Variants in LIPN observed in about 807,000 individuals in gnomAD.
The protein encoded by LIPN is lipase family member N, also known as lipase member N.
Under a neutral mutation model 43.7 loss-of-function variants are expected in LIPN, and 32 were observed. That is an observed-to-expected ratio of 0.73 (90% CI 0.55 to 0.98). The LOEUF is 0.98. LIPN is among the 50% of genes least tolerant of loss of function. The pLI, the probability that LIPN is intolerant of heterozygous loss-of-function variation, is 0.00. For missense variants in LIPN, 505 were observed against 483.8 expected, an observed-to-expected ratio of 1.04 and a Z score of -0.41; for synonymous variants, 156 against 157.6, an observed-to-expected ratio of 0.99 and a Z score of 0.08.
chr10:88,770,777 C>T, intron 6 of LIPN, 68 bp from the exon 7 acceptor site: 3 of 936,310 alleles, frequency 3.2e-6, no homozygotes, highest in East Asian at 2.7e-5. Context: ...GGTTACTAAT[C>T]CCTTGTAATA....
In LIPN at chr10:88,774,542, C is replaced by T. The variant is rs759190768; in HGVS notation, c.889C>T (p.Gln297Ter). The part of the protein sequence containing the change: ...SSVHNILHIK[Q>*]LYHSDEFRAY... ...AGTACACAACATTCTGCATATAAAA[C>T]AGGTAGAGTCTTAGTCATGGAAAAC... is the stretch of plus-strand genomic sequence containing the variant. Residue 297 changes from glutamine (Q) to a stop codon, truncating the protein, a stop_gained and splice_region_variant, in exon 8 of 10, where the codon CAG becomes TAG. Transcript: ENST00000404459. LOFTEE classifies it high-confidence loss of function. 17 of 1,606,702 alleles carry T rather than the reference C, an allele frequency of 1.1e-5. No homozygotes were observed. Among genetic ancestry groups the T allele is most frequent in the Non-Finnish European group, 1.4e-5 (17 of 1,174,176 alleles).
intron 4 of LIPN, among the ~76,000 whole-genome samples, chr10:88,765,348 A>G (rs1819193098): frequency 6.6e-6 from 1 of 151,930 alleles, no homozygotes; most frequent in Non-Finnish European, 1.5e-5. Context: ...TATTCCTACT[A>G]CATTAATAAA....
In LIPN at chr10:88,772,867, AAG is replaced by A. The variant is rs1491072337; in HGVS notation, c.820-1604_820-1603del. Among the ~76,000 whole-genome samples, 296 of 144,312 alleles carry A rather than the reference AAG, an allele frequency of 2.1e-3. 1 individual carries two copies. Among genetic ancestry groups the A allele is most frequent in the African/African-American group, 7.2e-3 (282 of 39,336 alleles). The allele number at this position is 144,312 out of a possible 152,430, so 94.7% of individuals were successfully genotyped here. ...GAGCAAATAATCTTAAAAAAAAAGA[AAG>A]AAAAAAAAAACAAGAAATAATCCCA... On this transcript the variant is annotated intron_variant, in intron 7 of 9. Transcript: ENST00000404459.
At chr10:88,762,694 A>T (rs1843022770) in intron 3 of LIPN, among the ~76,000 whole-genome samples, 1 of 152,106 alleles carries the variant, frequency 6.6e-6, no homozygotes, top group Non-Finnish European at 1.5e-5. Context: ...GCACCCAAGA[A>T]GAACCTCTCC....
At chr10:88,766,412 T>C in intron 5 of LIPN, 34 bp downstream of exon 5, 1 of 1,284,730 alleles carries the variant, frequency 7.8e-7, no homozygotes, top group Non-Finnish European at 1.1e-6. Flanking sequence ...AGGTGTGTTT[T>C]TGAGGGTCAG....
At chr10:88,764,094 A>T (rs750456998) in intron 3 of LIPN, among the ~76,000 whole-genome samples, 1 of 152,000 alleles carries the variant, frequency 6.6e-6, no homozygotes, top group Non-Finnish European at 1.5e-5. Flanking sequence ...TTTTGTTTCC[A>T]TATCTACAAA....
intron 7 of LIPN, among the ~76,000 whole-genome samples, chr10:88,771,553 A>G (rs1242033188): frequency 6.6e-6 from 1 of 151,654 alleles, no homozygotes; most frequent in Non-Finnish European, 1.5e-5. Flanking sequence ...ACTTAATGTA[A>G]TGTTCTCTAA....
chr10:88,772,955 G>T (rs1223545227), intron 7 of LIPN, among the ~76,000 whole-genome samples: 2 of 149,806 alleles, frequency 1.3e-5, no homozygotes, highest in African/African-American at 4.9e-5. Flanking sequence ...AGAAGTGAAA[G>T]ATTTCTACAA....
rs1345213463 is a variant in LIPN, at chr10:88,769,066, GTGTA to G, written c.672+142_672+145del. On this transcript the variant is annotated intron_variant, in intron 6 of 9. Coordinates refer to ENST00000404459, the MANE Select transcript of LIPN (RefSeq NM_001102469.2). The stretch of plus-strand genomic sequence containing the variant: ...ACTTAGACTCTGTGGGTATGTGCTT[GTGTA>G]TGTGTGTCCCTGCGTGTGCGCATGT... The G allele has an allele frequency of 1.6e-5, 13 of 793,854 alleles. No individual in the cohort carries two copies. In the Admixed American group the frequency reaches 3.3e-4, roughly 20 times the overall value. The allele number at this position is 793,854 out of a possible 1,614,324, so 49.2% of individuals were successfully genotyped here.
intron 8 of LIPN, 80 bp downstream of exon 8, chr10:88,774,624 G>A: frequency 8.6e-7 from 1 of 1,167,508 alleles, no homozygotes; most frequent in Non-Finnish European, 1.3e-6. Context: ...CTGTTAACAG[G>A]CCTACCCTAA....
intron 5 of LIPN, among the ~76,000 whole-genome samples, chr10:88,768,125 T>A (rs1843142379): frequency 6.6e-6 from 1 of 151,294 alleles, no homozygotes; most frequent in Admixed American, 6.6e-5. Flanking sequence ...CTCCCTAGCC[T>A]ACCCAGTGTT....
intron 7 of LIPN, among the ~76,000 whole-genome samples, chr10:88,772,459 T>G (rs952617548): frequency 1.3e-5 from 2 of 151,962 alleles, no homozygotes; most frequent in African/African-American, 4.8e-5. Context: ...TCTAATTTCA[T>G]TCTTCTGCAT....
intron 6 of LIPN, 123 bp downstream of exon 6, chr10:88,769,051 T>C (rs1162062268): frequency 1.1e-6 from 1 of 929,314 alleles, no homozygotes; most frequent in Non-Finnish European, 1.6e-6. Context: ...ACTTAGACTC[T>C]GTGGGTATGT....
intron 7 of LIPN, among the ~76,000 whole-genome samples, chr10:88,773,400 T>C (rs1843242620): frequency 6.6e-6 from 1 of 151,886 alleles, no homozygotes; most frequent in Non-Finnish European, 1.5e-5. Flanking sequence ...AATAAAATCC[T>C]AAAAAAGGAG....
chr10:88,778,309 T>C lies in LIPN; in HGVS notation c.*67T>C, dbSNP rs945407167. ...CCATAAGGGACTTTAGAAAAAATAGTAACCAACAATGAGGTTGTCCCCCAG... is the reference window on the plus strand; with the variant it reads ...CCATAAGGGACTTTAGAAAAAATAGCAACCAACAATGAGGTTGTCCCCCAG... On this transcript the variant is annotated 3_prime_UTR_variant, in exon 10 of 10. Coordinates refer to ENST00000404459, the MANE Select transcript of LIPN (RefSeq NM_001102469.2). 3 of 1,174,048 alleles carry C rather than the reference T, an allele frequency of 2.6e-6. No individual in the cohort carries two copies. Among genetic ancestry groups the C allele is most frequent in the African/African-American group, 3.1e-5 (2 of 65,548 alleles). The allele number at this position is 1,174,048 out of a possible 1,614,324, so 72.7% of individuals were successfully genotyped here.
In LIPN at chr10:88,764,484, G is replaced by A; in HGVS notation, c.301G>A (p.Gly101Arg). The change falls in exon 4 of 10, where the codon GGA becomes AGA. Residue 101 changes from glycine (G) to arginine (R), a missense_variant. Coordinates refer to ENST00000404459, the MANE Select transcript of LIPN (RefSeq NM_001102469.2). ...CTACTGGCTTGAGAATTATGCTAAT[G>A]GAAGCCTTGGATTCCTTCTAGCAGA... The part of the protein sequence containing the change: ...NAYWLENYAN[G>R]SLGFLLADAG... 1.2e-6 allele frequency: 2 copies of A among 1,611,978 alleles called. No individual in the cohort carries two copies. Among genetic ancestry groups the A allele is most frequent in the Non-Finnish European group, 1.7e-6 (2 of 1,178,882 alleles).
chr10:88,766,138 T>A lies in LIPN; in HGVS notation c.426-131T>A, dbSNP rs1843092219. The A allele has an allele frequency of 9.8e-6, 6 of 613,946 alleles. No homozygotes were observed. The East Asian group carries it at 1.6e-4, about 17-fold the overall frequency. 38.0% of individuals were successfully genotyped at this position (613,946 alleles called of 1,614,324 possible). ...CTACAATAGCCTACATATAATTGGA[T>A]AAATAATGAAATACACATTGAATCT... On this transcript the variant is annotated intron_variant, in intron 4 of 9. Transcript: ENST00000404459.
intron 2 of LIPN, 99 bp downstream of exon 2, chr10:88,761,612 C>A: frequency 1.3e-6 from 1 of 781,344 alleles, no homozygotes; most frequent in Non-Finnish European, 2.1e-6. Context: ...TCTGATAAAA[C>A]AGATAAAATG....
upstream of LIPN, among the ~76,000 whole-genome samples, chr10:88,758,180 G>A (rs303460): frequency 0.24 from 36,256 of 151,766 alleles, 4,499 homozygotes; most frequent in East Asian, 0.37. Context: ...ATTTTTACAG[G>A]TAGATCCCAA....
Sources: gnomAD v4.1 joint callset for allele counts (sites outside exome capture counted in the v4.1 genomes callset) on GRCh38, gnomAD v4.1.1 for gene constraint, MANE v1.5 for transcripts, NCBI Gene and HGNC (gene_info 2026-07-23, HGNC 2026-07-21) for gene names.